The following COG7 variants were observed in gnomAD, a reference collection of about 807,000 sequenced individuals.
The protein encoded by COG7 is component of oligomeric golgi complex 7.
Under a neutral mutation model 91.5 loss-of-function variants are expected in COG7, and 49 were observed. That is an observed-to-expected ratio of 0.54 (90% CI 0.43 to 0.68). The LOEUF is 0.68. Ranked by LOEUF, COG7 falls within the 30% of genes least tolerant of loss-of-function variation. The pLI, the probability that COG7 is intolerant of heterozygous loss-of-function variation, is 0.00. For synonymous variants in COG7, 365 were observed against 388.7 expected, an observed-to-expected ratio of 0.94 and a Z score of 0.72; for missense variants, 895 against 961.3, an observed-to-expected ratio of 0.93 and a Z score of 0.91.
In COG7 at chr16:23,452,693, G is replaced by A. The variant is rs541963559; in HGVS notation, c.169+133C>T. 2.7e-4 allele frequency: 402 copies of A among 1,463,500 alleles called. 1 individual carries two copies. The highest frequency in any genetic ancestry group is 1.5e-5 in the Non-Finnish European group (17 of 1,107,232). 90.7% of individuals were successfully genotyped at this position (1,463,500 alleles called of 1,614,324 possible). ...CCCGCTGACGTGATCAGGAGTTCGG[G>A]GCTTGCTCTTTTGCCGAGGGTATTT... On this transcript the variant is annotated intron_variant, in intron 1 of 16. Transcript: ENST00000307149.
chr16:23,408,074 G>A (rs1963491695), intron 11 of COG7, among the ~76,000 whole-genome samples: 1 of 129,032 alleles, frequency 7.8e-6, no homozygotes, highest in Non-Finnish European at 1.6e-5. Context: ...TGGGAAGGGA[G>A]GTAGGGGTGA....
chr16:23,417,040 C>T lies in COG7; in HGVS notation c.1219G>A (p.Asp407Asn). The T allele has an allele frequency of 6.2e-7, 1 of 1,614,224 alleles. No individual in the cohort carries two copies. Among genetic ancestry groups the T allele is most frequent in the African/African-American group, 1.3e-5 (1 of 75,046 alleles). ...CCATTGGTGAATCTGACGCATCTGT[C>T]AACGGCTGCAGACGCCAGACCAAAC... ...KLFGLASAAV[D>N]RCVRFTNGLG... Residue 407 changes from aspartate to asparagine, a missense_variant, in exon 9 of 17, where the codon GAC (aspartate) becomes AAC (asparagine). Asp to Asn is a conservative substitution (Grantham distance 23, BLOSUM62 1). Coordinates refer to ENST00000307149, the MANE Select transcript of COG7 (RefSeq NM_153603.4).
intron 13 of COG7, among the ~76,000 whole-genome samples, chr16:23,400,722 C>T (rs1022098315): frequency 5.3e-5 from 8 of 152,186 alleles, no homozygotes; most frequent in Non-Finnish European, 7.3e-5. Context: ...CTAATCCCAG[C>T]ACTTTGAGAG....
In COG7 at chr16:23,445,077, C is replaced by A; in HGVS notation, c.406G>T (p.Ala136Ser). 1 of 1,613,882 alleles carries A rather than the reference C, an allele frequency of 6.2e-7. No individual in the cohort carries two copies. The highest frequency in any genetic ancestry group is 1.1e-5 in the South Asian group (1 of 91,076). ...QEADKWSTLS[A>S]DIEETFKTQD... ...GTCTTAAATGTCTCCTCAATATCGG[C>A]GCTCAACGTGCTCCACTTATCTGCT... The change falls in exon 3 of 17, where the codon GCC becomes TCC. Residue 136 changes from alanine to serine, a missense_variant. Physicochemically the swap from Ala to Ser is moderately conservative, Grantham distance 99. Transcript: ENST00000307149.
chr16:23,417,430 C>T (rs145480334), intron 8 of COG7: 157 of 405,252 alleles, frequency 3.9e-4, no homozygotes, highest in African/African-American at 2.7e-3. Flanking sequence ...CTCTGGCTCT[C>T]GAGCTACGAT....
intron 11 of COG7, among the ~76,000 whole-genome samples, chr16:23,409,077 G>GTGTGTGTGTGCGTGCA (rs1472641671): frequency 7.6e-6 from 1 of 132,430 alleles, no homozygotes; most frequent in Non-Finnish European, 1.6e-5. Context: ...GTGTGTGTGT[G>GTGTGTGTGTGCGTGCA]TGTGTGTGTG....
chr16:23,435,462 G>A (rs1441286643), intron 4 of COG7, among the ~76,000 whole-genome samples: 2 of 152,188 alleles, frequency 1.3e-5, no homozygotes, highest in African/African-American at 4.8e-5. Flanking sequence ...CCCAAGTTAT[G>A]GGCTTAATAT....
At chr16:23,407,275 A>G (rs2142067893) in intron 11 of COG7, among the ~76,000 whole-genome samples, 1 of 152,254 alleles carries the variant, frequency 6.6e-6, no homozygotes, top group South Asian at 2.1e-4. Context: ...GCTTGAGCCA[A>G]CCAGTAACTT....
At chr16:23,451,583 G>A (rs1341447055) in intron 1 of COG7, among the ~76,000 whole-genome samples, 10 of 151,844 alleles carry the variant, frequency 6.6e-5, no homozygotes, top group African/African-American at 2.4e-4. Flanking sequence ...AGCCAGGCAT[G>A]GTGGCACATG....
At chr16:23,421,647 G>GA (rs548334629) in intron 7 of COG7, among the ~76,000 whole-genome samples, 45 of 151,804 alleles carry the variant, frequency 3.0e-4, no homozygotes, top group African/African-American at 9.6e-4. Flanking sequence ...AATGACAGGA[G>GA]AAAAAAAGAA....
intron 4 of COG7, among the ~76,000 whole-genome samples, chr16:23,435,646 T>C (rs777196048): frequency 6.7e-6 from 1 of 148,392 alleles, no homozygotes; most frequent in Non-Finnish European, 1.5e-5. Context: ...AAAATGTACA[T>C]GCCACAGCCT....
At chr16:23,446,022 T>C in intron 1 of COG7, 61 bp from the exon 2 acceptor site, 1 of 1,564,808 alleles carries the variant, frequency 6.4e-7, no homozygotes, top group African/African-American at 1.4e-5. Context: ...AGGTGAAAGT[T>C]GGACCAGCCA....
intron 7 of COG7, among the ~76,000 whole-genome samples, chr16:23,419,231 C>T (rs1397707949): frequency 6.6e-6 from 1 of 151,966 alleles, no homozygotes; most frequent in Non-Finnish European, 1.5e-5. Flanking sequence ...CATGGAGAAA[C>T]CGAAACCTTG....
intron 7 of COG7, among the ~76,000 whole-genome samples, chr16:23,423,835 CAT>C (rs1322095773): frequency 6.6e-6 from 1 of 152,326 alleles, no homozygotes; most frequent in East Asian, 1.9e-4. Flanking sequence ...AAGCTTTTAA[CAT>C]AGACGGGAAA....
intron 12 of COG7, among the ~76,000 whole-genome samples, chr16:23,405,707 G>A (rs1050524447): frequency 8.6e-5 from 13 of 151,722 alleles, no homozygotes; most frequent in African/African-American, 2.2e-4. Context: ...AGTAGAGACC[G>A]GGTTTCACCA....
At chr16:23,418,365 C>T (rs991317947) in intron 8 of COG7, among the ~76,000 whole-genome samples, 10 of 152,020 alleles carry the variant, frequency 6.6e-5, no homozygotes, top group African/African-American at 2.2e-4. Context: ...ATGAGCCAGG[C>T]ATGGTGGTGC....
intron 1 of COG7, among the ~76,000 whole-genome samples, chr16:23,452,542 T>G (rs182160507): frequency 6.6e-6 from 1 of 152,056 alleles, no homozygotes; most frequent in African/African-American, 2.4e-5. Context: ...AGAGAGACCC[T>G]GTTTCAAAAG....
At chr16:23,404,934 T>G (rs1162416007) in intron 12 of COG7, among the ~76,000 whole-genome samples, 4 of 152,020 alleles carry the variant, frequency 2.6e-5, no homozygotes, top group African/African-American at 9.7e-5. Context: ...GAAAAAATTT[T>G]CTACTGCATC....
chr16:23,411,814 C>T (rs561682982), intron 10 of COG7, among the ~76,000 whole-genome samples: 18 of 151,688 alleles, frequency 1.2e-4, no homozygotes, highest in African/African-American at 2.9e-4. Context: ...GCCAAGTGAA[C>T]GGCCATTTCT....
Sources: gnomAD v4.1 joint callset for allele counts (sites outside exome capture counted in the v4.1 genomes callset) on GRCh38, gnomAD v4.1.1 for gene constraint, MANE v1.5 for transcripts, NCBI Gene and HGNC (gene_info 2026-07-23, HGNC 2026-07-21) for gene names.